Variants in PUM3 observed in about 807,000 individuals in gnomAD.
The protein encoded by PUM3 is pumilio homolog 3.
PUM3 carries 91 observed loss-of-function variants against 84.0 expected under a neutral mutation model. The ratio of observed to expected loss-of-function variants is 1.08; its 90% CI spans 0.91 to 1.29. PUM3 has a LOEUF of 1.29. PUM3 is among the 50% of genes most tolerant of loss of function. The probability of loss-of-function intolerance (pLI) is 0.00; values close to 1 mark genes in which losing one functional copy is unlikely to be tolerated. For synonymous variants in PUM3, 321 were observed against 266.7 expected (o/e 1.20, Z -1.98); for missense variants, 1,067 against 767.5 (o/e 1.39, Z -4.61).
intron 13 of PUM3, among the ~76,000 whole-genome samples, chr9:2,813,220 C>T (rs896661540): frequency 2.6e-5 from 4 of 152,168 alleles, no homozygotes; most frequent in African/African-American, 9.7e-5. Context: ...GCAACGTCAT[C>T]CCCACCCTAA....
At chr9:2,816,001 C>T (rs974671631) in intron 13 of PUM3, among the ~76,000 whole-genome samples, 1 of 152,160 alleles carries the variant, frequency 6.6e-6, no homozygotes, top group Non-Finnish European at 1.5e-5. Flanking sequence ...TTTGCCAATG[C>T]GCTTTTAAAG....
chr9:2,807,458 T>C (rs920378309), intron 17 of PUM3, among the ~76,000 whole-genome samples: 4 of 149,794 alleles, frequency 2.7e-5, no homozygotes, highest in African/African-American at 9.8e-5. Flanking sequence ...TAAAAATTAG[T>C]TGGGTGTGGT....
intron 10 of PUM3, 142 bp from the exon 11 acceptor site, chr9:2,824,957 ACAAT>A (rs957577007): frequency 2.4e-5 from 11 of 452,438 alleles, no homozygotes; most frequent in South Asian, 5.9e-5. Flanking sequence ...CATTTTGTAG[ACAAT>A]CAAACAGAAA....
At chr9:2,826,336 C>A (rs947387402) in intron 10 of PUM3, among the ~76,000 whole-genome samples, 2 of 152,140 alleles carry the variant, frequency 1.3e-5, no homozygotes, top group African/African-American at 4.8e-5. Context: ...TAAGAAAAAT[C>A]TCCAAAACAG....
intron 9 of PUM3, among the ~76,000 whole-genome samples, chr9:2,828,289 G>A (rs1815877936): frequency 6.6e-6 from 1 of 152,112 alleles, no homozygotes; most frequent in African/African-American, 2.4e-5. Context: ...GATTCTCCCA[G>A]CTTGGTTCCC....
At chr9:2,805,203 G>A (rs867749516) in intron 17 of PUM3, among the ~76,000 whole-genome samples, 1 of 152,170 alleles carries the variant, frequency 6.6e-6, no homozygotes, top group Non-Finnish European at 1.5e-5. Context: ...GCCAGAGCCT[G>A]ACACTTAGTA....
chr9:2,828,914 T>A, intron 8 of PUM3, 136 bp from the exon 9 acceptor site: 1 of 658,688 alleles, frequency 1.5e-6, no homozygotes, highest in South Asian at 1.7e-5. Flanking sequence ...ATGAAAGCTC[T>A]GCTGTATATC....
intron 6 of PUM3, 73 bp from the exon 7 acceptor site, chr9:2,831,101 G>A (rs1815966105): frequency 2.0e-6 from 2 of 993,046 alleles, no homozygotes; most frequent in African/African-American, 1.6e-5. Context: ...GAGGAAATTT[G>A]TCCCAGGCAA....
chr9:2,807,100 C>G (rs555826233), intron 17 of PUM3, among the ~76,000 whole-genome samples: 1 of 151,992 alleles, frequency 6.6e-6, no homozygotes, highest in East Asian at 1.9e-4. Flanking sequence ...TCCAGCTACT[C>G]AGGAGGCTGA....
At chr9:2,825,608 G>A (rs1421926719) in intron 10 of PUM3, among the ~76,000 whole-genome samples, 5 of 151,624 alleles carry the variant, frequency 3.3e-5, no homozygotes, top group Admixed American at 6.6e-5. Flanking sequence ...TCAGCCTCCC[G>A]AGTAGCTGGG....
At position 2,824,608 on chromosome 9, in the gene PUM3, G is replaced by A. The variant is rs1485475671; in HGVS notation, c.1134+109C>T. ...AACTTTTGGAAGATAATGCACAACAGGGCAAAGACCAAAGGGGGTTAAAAG... is the reference window on the plus strand; with the variant it reads ...AACTTTTGGAAGATAATGCACAACAAGGCAAAGACCAAAGGGGGTTAAAAG... On this transcript the variant is annotated intron_variant, in intron 11 of 17. Transcript: ENST00000397885. 16 of 597,986 alleles carry A rather than the reference G, an allele frequency of 2.7e-5. No homozygotes were observed. In the East Asian group the frequency reaches 3.7e-4, roughly 14 times the overall value. The allele number at this position is 597,986 out of a possible 1,614,324, so 37.0% of individuals were successfully genotyped here.
intron 16 of PUM3, among the ~76,000 whole-genome samples, chr9:2,809,431 C>G (rs1246371916): frequency 1.3e-5 from 2 of 151,930 alleles, no homozygotes; most frequent in African/African-American, 2.4e-5. Context: ...TTATTTTTTT[C>G]TTTAATATTT....
intron 12 of PUM3, among the ~76,000 whole-genome samples, chr9:2,821,943 G>C (rs1815651823): frequency 6.6e-6 from 1 of 152,162 alleles, no homozygotes; most frequent in Admixed American, 6.5e-5. Context: ...AAGTGAGGTA[G>C]ACAGATGTAT....
intron 1 of PUM3, among the ~76,000 whole-genome samples, chr9:2,840,724 C>T (rs980284163): frequency 1.3e-5 from 2 of 152,170 alleles, no homozygotes; most frequent in Non-Finnish European, 2.9e-5. Context: ...GTCCTTTTGA[C>T]GCGGCCCAAC....
rs776552975 is a variant in PUM3, at chr9:2,806,134, G to C, written c.1815-1671C>G. 8.7e-4 allele frequency among the ~76,000 whole-genome samples: 133 copies of C among 152,232 alleles called. No homozygotes were observed. The Middle Eastern group carries it at 0.024, about 27-fold the overall frequency. ...AATCCACCTAATGGGAGTTCTGATT[G>C]ATGAACAACCTTTATAAATTAATTT... On this transcript the variant is annotated intron_variant, in intron 17 of 17. Transcript: ENST00000397885.
At position 2,834,068 on chromosome 9, in the gene PUM3, C is replaced by G; in HGVS notation, c.403G>C (p.Val135Leu). The G allele has an allele frequency of 1.2e-6, 2 of 1,613,680 alleles. No individual in the cohort carries two copies. Among genetic ancestry groups the G allele is most frequent in the Non-Finnish European group, 1.7e-6 (2 of 1,179,780 alleles). The change falls in exon 4 of 18, where the codon GTT (valine) becomes CTT (leucine). Residue 135 changes from valine to leucine, a missense_variant. Val to Leu is a conservative substitution (Grantham distance 32). Coordinates refer to ENST00000397885, the MANE Select transcript of PUM3 (RefSeq NM_014878.5). ...QLSDKTNYDI[V>L]VRAKQMWEIL... ...TCCCACATCTGCTTTGCCCGAACAACAATGTCATAGTTGGTTTTATCACTG... is the reference window on the plus strand; with the variant it reads ...TCCCACATCTGCTTTGCCCGAACAAGAATGTCATAGTTGGTTTTATCACTG...
rs765370071 is a variant in PUM3 at position 2,830,951 on chromosome 9, A to T, written c.677+11T>A. The T allele has an allele frequency of 3.0e-6, 4 of 1,314,860 alleles. No individual in the cohort carries two copies. In the East Asian group the frequency reaches 9.3e-5, roughly 30 times the overall value. The allele number at this position is 1,314,860 out of a possible 1,614,324, so 81.4% of individuals were successfully genotyped here. On this transcript the variant is annotated intron_variant, in intron 7 of 17. Coordinates refer to ENST00000397885, the MANE Select transcript of PUM3 (RefSeq NM_014878.5). ...AAAGAAAAAATGTATTTTATACATAAAACAACTTACCCATACATGAGAAAT... is the reference window on the plus strand; with the variant it reads ...AAAGAAAAAATGTATTTTATACATATAACAACTTACCCATACATGAGAAAT...
At chr9:2,823,310 A>G (rs1261490004) in intron 12 of PUM3, among the ~76,000 whole-genome samples, 2 of 152,114 alleles carry the variant, frequency 1.3e-5, no homozygotes, top group Non-Finnish European at 2.9e-5. Flanking sequence ...AAAAATTTCC[A>G]TAACCACACT....
chr9:2,843,893 G>A (rs933479742), intron 1 of PUM3, among the ~76,000 whole-genome samples, 152 bp downstream of exon 1: 1 of 152,064 alleles, frequency 6.6e-6, no homozygotes, highest in African/African-American at 2.4e-5. Flanking sequence ...CGCCCTTCTT[G>A]CCAGGCTCCA....
Sources: allele counts gnomAD v4.1 joint callset (sites outside exome capture counted in the v4.1 genomes callset), GRCh38; gene constraint gnomAD v4.1.1; transcripts MANE v1.5; gene names NCBI Gene and HGNC (gene_info 2026-07-23, HGNC 2026-07-21).